The following SPMIP4 variants were observed in gnomAD, a reference collection of about 807,000 sequenced individuals.
SPMIP4 encodes the protein sperm microtubule inner protein 4.
the SPMIP4 span, among the ~76,000 whole-genome samples, chr7:25,149,344 G>A: frequency 6.6e-6 from 1 of 152,024 alleles, no homozygotes; most frequent in Non-Finnish European, 1.5e-5. Context: ...ACAAGTATAG[G>A]GTATTATCCT....
the SPMIP4 span, among the ~76,000 whole-genome samples, chr7:25,147,420 G>C: frequency 6.6e-6 from 1 of 152,188 alleles, no homozygotes; most frequent in African/African-American, 2.4e-5. Context: ...TAGCAGGAGA[G>C]GCCCCGAATA....
the SPMIP4 span, among the ~76,000 whole-genome samples, chr7:25,145,878 A>G: frequency 6.6e-6 from 1 of 152,210 alleles, no homozygotes; most frequent in African/African-American, 2.4e-5. Context: ...TGTCACTAAA[A>G]TAACATGGTT....
At chr7:25,178,730 C>T in the SPMIP4 span, among the ~76,000 whole-genome samples, 1 of 152,066 alleles carries the variant, frequency 6.6e-6, no homozygotes, top group African/African-American at 2.4e-5. Context: ...TTTTGCCTTC[C>T]CTATTATATG....
the SPMIP4 span, among the ~76,000 whole-genome samples, chr7:25,178,058 T>C: frequency 6.6e-6 from 1 of 152,218 alleles, no homozygotes; most frequent in African/African-American, 2.4e-5. Flanking sequence ...GAATAGGTGA[T>C]ATTTGGTTTT....
the SPMIP4 span, among the ~76,000 whole-genome samples, chr7:25,177,566 T>G: frequency 6.6e-6 from 1 of 152,178 alleles, no homozygotes; most frequent in Non-Finnish European, 1.5e-5. Context: ...TGTTTTGAGG[T>G]GTTTTTTCCT....
the SPMIP4 span, among the ~76,000 whole-genome samples, chr7:25,170,158 T>C: frequency 7.3e-5 from 11 of 151,450 alleles, no homozygotes; most frequent in Non-Finnish European, 1.2e-4. Context: ...CCTACCAACA[T>C]TGTATGAGGA....
At chr7:25,153,031 A>G in the SPMIP4 span, among the ~76,000 whole-genome samples, 1 of 151,972 alleles carries the variant, frequency 6.6e-6, no homozygotes, top group Non-Finnish European at 1.5e-5. Context: ...GGCATGAGCC[A>G]CCACACCTGG....
chr7:25,151,313 C>T, the SPMIP4 span, among the ~76,000 whole-genome samples: 132 of 151,838 alleles, frequency 8.7e-4, no homozygotes, highest in African/African-American at 3.0e-3. Flanking sequence ...ACTTCACCTC[C>T]CAGGTTCAAG....
chr7:25,126,584 C>G, the SPMIP4 span, among the ~76,000 whole-genome samples: 1 of 152,162 alleles, frequency 6.6e-6, no homozygotes, highest in Non-Finnish European at 1.5e-5. Context: ...TTTAACTTCA[C>G]TCTCCCCACT....
At chr7:25,168,331 T>C in the SPMIP4 span, 3 of 1,611,272 alleles carry the variant, frequency 1.9e-6, no homozygotes, top group African/African-American at 1.3e-5. Flanking sequence ...CTGATGTCCT[T>C]TGCCCATGAC....
chr7:25,141,575 A>G, the SPMIP4 span, among the ~76,000 whole-genome samples: 4 of 13,178 alleles, frequency 3.0e-4, no homozygotes, highest in Admixed American at 6.8e-4. Context: ...TGTCTCAAGG[A>G]AAAAAAAAAA....
At chr7:25,166,960 C>G in the SPMIP4 span, among the ~76,000 whole-genome samples, 27,761 of 152,130 alleles carry the variant, frequency 0.18, 3,658 homozygotes, top group African/African-American at 0.37. Flanking sequence ...TATTTTCTCT[C>G]TCCTTGTCAC....
the SPMIP4 span, among the ~76,000 whole-genome samples, chr7:25,148,906 C>T: frequency 2.6e-5 from 4 of 152,278 alleles, no homozygotes; most frequent in East Asian, 3.9e-4. Context: ...ACTCTGCCGC[C>T]GCCAGGTGGT....
chr7:25,168,273 C>A, the SPMIP4 span: 2 of 1,586,740 alleles, frequency 1.3e-6, no homozygotes, highest in Non-Finnish European at 1.7e-6. Context: ...CTGTGAATGG[C>A]AGAAAGTTTA....
the SPMIP4 span, among the ~76,000 whole-genome samples, chr7:25,130,030 G>A: frequency 6.6e-6 from 1 of 151,942 alleles, no homozygotes; most frequent in Non-Finnish European, 1.5e-5. Flanking sequence ...TTGATGTCAG[G>A]AGTATGAGAC....
the SPMIP4 span, among the ~76,000 whole-genome samples, chr7:25,145,370 G>A: frequency 3.3e-3 from 508 of 152,310 alleles, 3 homozygotes; most frequent in African/African-American, 0.011. Context: ...CAAGGGCACG[G>A]GAAAGGAAAT....
At chr7:25,134,840 A>C in the SPMIP4 span, 1 of 985,444 alleles carries the variant, frequency 1.0e-6, no homozygotes, top group African/African-American at 1.7e-5. Flanking sequence ...TAGAGAACCC[A>C]GTGACCAAGG....
the SPMIP4 span, among the ~76,000 whole-genome samples, chr7:25,173,656 T>C: frequency 6.6e-6 from 1 of 152,236 alleles, no homozygotes; most frequent in African/African-American, 2.4e-5. This position sits in a 1 kb window ranked among gnomAD's most constrained non-coding sequence, Gnocchi z 4.4. Flanking sequence ...CAGACACGAT[T>C]TGGGGGACAT....
the SPMIP4 span, among the ~76,000 whole-genome samples, chr7:25,148,186 G>A: frequency 0.6 from 91,379 of 152,062 alleles, 28,567 homozygotes; most frequent in Non-Finnish European, 0.69. Flanking sequence ...TGATGTAATT[G>A]GTGTGGGGTG....
Sources: gnomAD v4.1 joint callset for allele counts (sites outside exome capture counted in the v4.1 genomes callset) on GRCh38, gnomAD v4.1.1 for gene constraint, Gnocchi (gnomAD v3.1) non-coding constraint, MANE v1.5 for transcripts, NCBI Gene and HGNC (gene_info 2026-07-23, HGNC 2026-07-21) for gene names.